The following ABCA8 variants were observed in gnomAD, a reference collection of about 807,000 sequenced individuals.
The protein encoded by ABCA8 is ATP binding cassette subfamily A member 8.
In ABCA8, 177 loss-of-function variants were observed where a neutral mutation model predicts 192.3. That is an observed-to-expected ratio of 0.92 (90% confidence interval 0.81 to 1.04). The LOEUF is 1.04. Among genes scored for constraint, ABCA8 ranks in the 50% least tolerant of loss-of-function variants. ABCA8 has a pLI of 0.00. For synonymous variants in ABCA8, 642 were observed against 690.2 expected (o/e 0.93, Z 1.09); for missense variants, 1,915 against 1,904.8 (o/e 1.01, Z -0.10).
chr17:68,883,864 T>C lies in ABCA8; in HGVS notation c.3634A>G (p.Ile1212Val). The change falls in exon 29 of 40, where the codon ATT (isoleucine) becomes GTT (valine). Residue 1212 changes from isoleucine (I) to valine (V), a missense_variant. Transcript: ENST00000586539. The stretch of plus-strand genomic sequence containing the variant: ...AGACATCGAAGAGTAAAAAGAAAAA[T>C]GATAAAATGAAGGAAAGGCTAGGAA... ...VFLIPFLHFI[I>V]FLFTLRCLEW... The C allele has an allele frequency of 6.3e-7, 1 of 1,590,588 alleles. No homozygotes were observed. The highest frequency in any genetic ancestry group is 1.4e-5 in the African/African-American group (1 of 73,866).
intron 21 of ABCA8, among the ~76,000 whole-genome samples, chr17:68,896,778 A>G (rs945722519): frequency 5.8e-4 from 88 of 152,304 alleles, no homozygotes; most frequent in African/African-American, 2.1e-3. Flanking sequence ...GGTGAAAGTT[A>G]TTGACTTAAT....
chr17:68,893,778 C>T (rs1208818237), intron 23 of ABCA8, among the ~76,000 whole-genome samples: 1 of 140,122 alleles, frequency 7.1e-6, no homozygotes, highest in Non-Finnish European at 1.5e-5. Context: ...GGTACATGTG[C>T]ACATTGTGCA....
In ABCA8 at chr17:68,911,619, G is replaced by A. The variant is rs780150997; in HGVS notation, c.2139-3740C>T. Reference sequence around the variant, plus strand: ...GCGGTAGCCAGGCAGTGGTCGCTGCGGGTCTTGGGAAAGACCCAGTGCTGT... The same window carrying A: ...GCGGTAGCCAGGCAGTGGTCGCTGCAGGTCTTGGGAAAGACCCAGTGCTGT... On this transcript the variant is annotated intron_variant, in intron 17 of 39. Transcript: ENST00000586539. The surrounding 1 kb of genome is among the most constrained non-coding windows in gnomAD (Gnocchi z 5.7). Among the ~76,000 whole-genome samples, 4 of 152,062 alleles carry A rather than the reference G, an allele frequency of 2.6e-5. No homozygotes were observed. Among genetic ancestry groups the A allele is most frequent in the African/African-American group, 9.7e-5 (4 of 41,410 alleles).
chr17:68,906,990 A>G (rs2067084320), intron 18 of ABCA8, among the ~76,000 whole-genome samples: 1 of 152,108 alleles, frequency 6.6e-6, no homozygotes, highest in South Asian at 2.1e-4. Context: ...GGATAGGTTA[A>G]AAGCTTTTTG....
At position 68,868,319 on chromosome 17, in the gene ABCA8, T is replaced by C; in HGVS notation, c.4749A>G (p.Ser1583=). The C allele has an allele frequency of 3.1e-6, 5 of 1,613,808 alleles. No individual in the cohort carries two copies. Among genetic ancestry groups the C allele is most frequent in the Non-Finnish European group, 4.2e-6 (5 of 1,179,756 alleles). The change falls in exon 39 of 40, where the codon TCA becomes TCG. Residue 1583 remains serine, a synonymous_variant. Coordinates refer to ENST00000586539, the MANE Select transcript of ABCA8 (RefSeq NM_001288985.2). ...GACCCACCTGCTCCAGGGTAGACTG[T>C]GAGAGGCTGTACTCCTCTAGGTCAA... The part of the protein sequence containing the change: ...QSFDLEEYSL[S]QSTLEQVFLE...
chr17:68,919,009 C>T (rs2067464719), intron 14 of ABCA8, among the ~76,000 whole-genome samples: 1 of 148,134 alleles, frequency 6.8e-6, no homozygotes. Context: ...ACATTGACTA[C>T]TAAGTTGGTC....
chr17:68,891,504 G>C lies in ABCA8; in HGVS notation c.3129C>G (p.Ser1043Arg). The change falls in exon 24 of 40, where the codon AGC (serine) becomes AGG (arginine). Residue 1043 changes from serine (S) to arginine (R), a missense_variant. Ser to Arg is a moderately radical substitution (Grantham distance 110). Transcript: ENST00000586539. ...TCATTATTACCTTATAATCATCGATGCTGCTCATGGCAATGTAAGGTGGGC... is the reference window on the plus strand; with the variant it reads ...TCATTATTACCTTATAATCATCGATCCTGCTCATGGCAATGTAAGGTGGGC... ...SSCPPYIAMS[S>R]IDDYKNRARS... 1 of 1,611,116 alleles carries C rather than the reference G, an allele frequency of 6.2e-7. No homozygotes were observed. The highest frequency in any genetic ancestry group is 8.5e-7 in the Non-Finnish European group (1 of 1,178,240).
rs60957466 is a variant in ABCA8 at position 68,911,734 on chromosome 17, TACACACACAC to T, written c.2139-3865_2139-3856del. Among the ~76,000 whole-genome samples the T allele has an allele frequency of 6.2e-5, 9 of 144,076 alleles. No individual in the cohort carries two copies. The highest frequency in any genetic ancestry group is 1.1e-4 in the Non-Finnish European group (7 of 65,270). The allele number at this position is 144,076 out of a possible 152,430, so 94.5% of individuals were successfully genotyped here. A position where few individuals can be genotyped will look rare whatever the true frequency, so the allele number is the denominator to read the frequency against. On this transcript the variant is annotated intron_variant, in intron 17 of 39. Coordinates refer to ENST00000586539, the MANE Select transcript of ABCA8 (RefSeq NM_001288985.2). The surrounding 1 kb of genome is among the most constrained non-coding windows in gnomAD (Gnocchi z 5.7). ...CCTCTGCCAGCTCCAGACAGCTCAA[TACACACACAC>T]ACACACACACACACACACACACACA...
At chr17:68,940,150 G>T (rs981901545) in intron 4 of ABCA8, among the ~76,000 whole-genome samples, 19 of 152,010 alleles carry the variant, frequency 1.2e-4, no homozygotes, top group African/African-American at 4.6e-4. Context: ...TCAGCTTTAA[G>T]GTACTCGTTA....
chr17:68,921,480 T>C lies in ABCA8; in HGVS notation c.1514A>G (p.Asp505Gly). ...TGCAGTGATTTGGCCTTCGTAAATG[T>C]CAAATACCAGATCTAGGAAGAAAAA... ...KIEALKDLVF[D>G]IYEGQITAIL... The change falls in exon 13 of 40, where the codon GAC becomes GGC. Residue 505 changes from aspartate to glycine, a missense_variant. Physicochemically the swap from Asp to Gly is moderately conservative, Grantham distance 94. Coordinates refer to ENST00000586539, the MANE Select transcript of ABCA8 (RefSeq NM_001288985.2). 6.3e-7 allele frequency: 1 copy of C among 1,599,380 alleles called. No individual in the cohort carries two copies. The highest frequency in any genetic ancestry group is 8.5e-7 in the Non-Finnish European group (1 of 1,170,248).
At chr17:68,875,872 A>G in intron 35 of ABCA8, 139 bp from the exon 36 acceptor site, 1 of 958,904 alleles carries the variant, frequency 1.0e-6, no homozygotes, top group Non-Finnish European at 1.5e-6. Context: ...TTAATAGGGC[A>G]GGTAGGATGA....
chr17:68,926,984 T>C (rs986752981), intron 10 of ABCA8, among the ~76,000 whole-genome samples: 2 of 152,122 alleles, frequency 1.3e-5, no homozygotes, highest in African/African-American at 4.8e-5. Flanking sequence ...AGCCGGGCAC[T>C]GTGGCTCATG....
intron 23 of ABCA8, 39 bp downstream of exon 23, chr17:68,894,134 T>C (rs770098762): frequency 7.5e-6 from 12 of 1,599,028 alleles, no homozygotes; most frequent in South Asian, 5.5e-5. Context: ...AGATTCCTGA[T>C]AGAGGAGAGT....
intron 21 of ABCA8, among the ~76,000 whole-genome samples, chr17:68,902,356 A>G (rs182227518): frequency 6.6e-6 from 1 of 152,302 alleles, no homozygotes; most frequent in African/African-American, 2.4e-5. Context: ...AAATATTCTA[A>G]AAGGGATTGT....
At chr17:68,879,024 C>A (rs1016117158) in intron 32 of ABCA8, 3 of 152,202 alleles carry the variant, frequency 2.0e-5, no homozygotes, top group African/African-American at 7.2e-5. Context: ...CTATCTTCTG[C>A]CATAGAATTT....
At chr17:68,884,636 G>T in intron 27 of ABCA8, 1 of 1,208,678 alleles carries the variant, frequency 8.3e-7, no homozygotes, top group Non-Finnish European at 1.0e-6. Context: ...CTGGAGATCC[G>T]TGCTAACCTC....
At position 68,894,312 on chromosome 17, in the gene ABCA8, TA is replaced by T. The variant is rs766292368; in HGVS notation, c.2899-3del. The T allele has an allele frequency of 1.7e-5, 27 of 1,603,664 alleles. No individual in the cohort carries two copies. The highest frequency in any genetic ancestry group is 2.0e-5 in the Non-Finnish European group (24 of 1,176,748). On this transcript the variant is annotated splice_region_variant and splice_polypyrimidine_tract_variant and intron_variant, in intron 22 of 39. Coordinates refer to ENST00000586539, the MANE Select transcript of ABCA8 (RefSeq NM_001288985.2). ...GCATGCTAACGAAAAGCTGTAATTC[TA>T]AAATATAACAAGTAGGATATAAGTT...
At chr17:68,889,429 G>A (rs2066572777) in intron 24 of ABCA8, among the ~76,000 whole-genome samples, 1 of 152,182 alleles carries the variant, frequency 6.6e-6, no homozygotes, top group African/African-American at 2.4e-5. Flanking sequence ...ATGAGTGTCT[G>A]TAAATAAACA....
intron 12 of ABCA8, among the ~76,000 whole-genome samples, chr17:68,921,833 A>T (rs997310428): frequency 3.3e-5 from 5 of 152,190 alleles, no homozygotes; most frequent in Admixed American, 2.0e-4. Flanking sequence ...GTAAGTTATT[A>T]CATGGCTAAA....
Sources: allele counts gnomAD v4.1 joint callset (sites outside exome capture counted in the v4.1 genomes callset), GRCh38; gene constraint gnomAD v4.1.1; non-coding constraint Gnocchi (gnomAD v3.1); transcripts MANE v1.5; gene names NCBI Gene and HGNC (gene_info 2026-07-23, HGNC 2026-07-21).